Variants in C1GALT1 observed in about 807,000 individuals in gnomAD.
The protein encoded by C1GALT1 is core 1 synthase, glycoprotein-N-acetylgalactosamine 3-beta-galactosyltransferase 1.
In C1GALT1, 11 loss-of-function variants were observed where a neutral mutation model predicts 31.0. The ratio of observed to expected loss-of-function variants is 0.36; its 90% CI spans 0.22 to 0.59. The LOEUF (loss-of-function observed/expected upper bound fraction) is 0.59. C1GALT1 is among the 20% of genes least tolerant of loss of function. C1GALT1 has a pLI of 0.79. For missense variants in C1GALT1, 424 were observed against 425.2 expected (o/e 1.00, Z 0.03); for synonymous variants, 175 against 143.6 (o/e 1.22, Z -1.56).
At chr7:7,182,222 T>C (rs1780611141), upstream of C1GALT1, among the ~76,000 whole-genome samples, 1 of 152,232 alleles carries the variant, frequency 6.6e-6, no homozygotes. Flanking sequence ...GGTTAGAGCC[T>C]GTACCTCAGA....
chr7:7,224,106 A>C (rs1279503430), intron 1 of C1GALT1, among the ~76,000 whole-genome samples: 1 of 152,182 alleles, frequency 6.6e-6, no homozygotes, highest in Non-Finnish European at 1.5e-5. Flanking sequence ...AATAAACTCT[A>C]CTTGGTCATA....
At chr7:7,194,039 T>G (rs987763036) in intron 1 of C1GALT1, among the ~76,000 whole-genome samples, 1 of 152,174 alleles carries the variant, frequency 6.6e-6, no homozygotes, top group African/African-American at 2.4e-5. Context: ...CCTGAAACTT[T>G]ACTGAATTCA....
intron 2 of C1GALT1, among the ~76,000 whole-genome samples, chr7:7,164,456 C>T (rs1424754531): frequency 6.6e-6 from 1 of 152,166 alleles, no homozygotes; most frequent in African/African-American, 2.4e-5. Context: ...TACAGCTCTC[C>T]TCTTGCTTTA....
At chr7:7,204,120 T>C (rs527339803) in intron 1 of C1GALT1, among the ~76,000 whole-genome samples, 1 of 141,320 alleles carries the variant, frequency 7.1e-6, no homozygotes, top group African/African-American at 2.6e-5. Flanking sequence ...TGTTTTTTTG[T>C]TTTTTTTTTT....
intron 1 of C1GALT1, among the ~76,000 whole-genome samples, chr7:7,206,300 T>G (rs1328360640): frequency 6.6e-6 from 1 of 152,182 alleles, no homozygotes; most frequent in Non-Finnish European, 1.5e-5. Flanking sequence ...AATTTTTATT[T>G]TTTCATATAG....
intron 1 of C1GALT1, 150 bp from the exon 2 acceptor site, chr7:7,234,153 T>C (rs1783224027): frequency 6.4e-6 from 4 of 629,214 alleles, no homozygotes; most frequent in East Asian, 2.8e-5. Context: ...TGTGCTGTTT[T>C]AGCAGCAAAT....
Position 7,244,251 on chromosome 7 carries a change from G to A in C1GALT1, c.*524G>A, listed in dbSNP as rs1487148659. 6.6e-6 allele frequency: 1 copy of A among 152,134 alleles called. No homozygotes were observed. The highest frequency in any genetic ancestry group is 1.5e-5 in the Non-Finnish European group (1 of 67,974). 9.4% of individuals were successfully genotyped at this position (152,134 alleles called of 1,614,324 possible). ...ACAGTTTTTGTCTAATGAAAATGTT[G>A]CTGTGATTATTTATAATTGGTAGTA... On this transcript the variant is annotated 3_prime_UTR_variant, in exon 4 of 4. Transcript: ENST00000436587.
At chr7:7,171,125 A>T (rs1219710818) in intron 2 of C1GALT1, among the ~76,000 whole-genome samples, 1 of 152,052 alleles carries the variant, frequency 6.6e-6, no homozygotes, top group Non-Finnish European at 1.5e-5. Flanking sequence ...TGTTAGGTCT[A>T]GTTGGCTTAT....
chr7:7,164,162 G>A (rs925013927), intron 2 of C1GALT1, among the ~76,000 whole-genome samples: 16 of 152,148 alleles, frequency 1.1e-4, no homozygotes, highest in Admixed American at 2.0e-4. Flanking sequence ...AAATAACACC[G>A]TATATCTACA....
Position 7,238,535 on chromosome 7 carries a change from A to G in C1GALT1, c.501A>G (p.Lys167=), listed in dbSNP as rs1378260168. The change falls in exon 3 of 4, where the codon AAA becomes AAG. Residue 167 remains lysine (K), a synonymous_variant. Coordinates refer to ENST00000436587, the MANE Select transcript of C1GALT1 (RefSeq NM_020156.5). This position sits in a 1 kb window ranked among gnomAD's most constrained non-coding sequence, Gnocchi z 5.2. Reference sequence around the variant, plus strand: ...TAGAAGATGCTGATTGGTTTTTGAAAGCAGATGATGACACGTATGTCATAC... The same window carrying G: ...TAGAAGATGCTGATTGGTTTTTGAAGGCAGATGATGACACGTATGTCATAC... ...HYLEDADWFL[K]ADDDTYVILD... is the part of the protein sequence containing the mutation. The G allele has an allele frequency of 6.2e-7, 1 of 1,614,052 alleles. No homozygotes were observed. Among genetic ancestry groups the G allele is most frequent in the Non-Finnish European group, 8.5e-7 (1 of 1,180,002 alleles).
At chr7:7,175,115 T>C (rs1780491649) in intron 2 of C1GALT1, among the ~76,000 whole-genome samples, 2 of 152,192 alleles carry the variant, frequency 1.3e-5, no homozygotes, top group Admixed American at 1.3e-4. Context: ...TTCACTTTCC[T>C]AGGGGGGTTT....
rs1783244610 is a variant in C1GALT1, at chr7:7,234,494, C to G, written c.175C>G (p.Leu59Val). ...RHSDDNGQNH[L>V]EGQMNFNADS... Reference sequence around the variant, plus strand: ...TTCAGATGATAATGGACAGAATCATCTAGAAGGACAAATGAACTTCAATGC... The same window carrying G: ...TTCAGATGATAATGGACAGAATCATGTAGAAGGACAAATGAACTTCAATGC... Residue 59 changes from leucine (L) to valine (V), a missense_variant, in exon 2 of 4, where the codon CTA becomes GTA. Physicochemically the swap from Leu to Val is conservative, Grantham distance 32. Around this residue, in one of 3 missense-constraint regions of C1GALT1, gnomAD observed 189 missense variants for 158.2 expected, o/e 1.19. Transcript: ENST00000436587. 5 of 1,613,570 alleles carry G rather than the reference C, an allele frequency of 3.1e-6. No individual in the cohort carries two copies. The highest frequency in any genetic ancestry group is 1.7e-5 in the Admixed American group (1 of 59,988).
chr7:7,245,081 A>T lies in C1GALT1; in HGVS notation c.*1354A>T, dbSNP rs1474741683. The T allele has an allele frequency of 6.6e-6, 1 of 152,260 alleles. No homozygotes were observed. Among genetic ancestry groups the T allele is most frequent in the African/African-American group, 2.4e-5 (1 of 41,478 alleles). The allele number at this position is 152,260 out of a possible 1,614,324, so 9.4% of individuals were successfully genotyped here. A position where few individuals can be genotyped will look rare whatever the true frequency, so the allele number is the denominator to read the frequency against. On this transcript the variant is annotated 3_prime_UTR_variant, in exon 4 of 4. Transcript: ENST00000436587. ...ATTTTTTATTTTTATTATCTTTAGC[A>T]GTACTGAGTGTCATAGCAGAATATT... is the stretch of plus-strand genomic sequence containing the variant.
At chr7:7,158,540 T>C (rs769843354) in intron 2 of C1GALT1, among the ~76,000 whole-genome samples, 3 of 151,466 alleles carry the variant, frequency 2.0e-5, no homozygotes, top group Admixed American at 6.6e-5. Context: ...ACTTAGTATG[T>C]TTTTTCATTA....
rs1015460580 is a variant in C1GALT1 at position 7,162,077 on chromosome 7, T to C, written c.-18+4651T>C. ...TATCTTTCTTCATTTCTTTTTTTTT[T>C]TCTTTTTTTTTATTAGCTATTTTTC... On this transcript the variant is annotated intron_variant, in intron 2 of 3. Coordinates refer to the C1GALT1 transcript ENST00000429911. Among the ~76,000 whole-genome samples the C allele has an allele frequency of 9.9e-5, 15 of 150,892 alleles. No homozygotes were observed. In the Middle Eastern group the frequency reaches 0.017, roughly 172 times the overall value.
chr7:7,213,401 A>G (rs1175096555), intron 1 of C1GALT1, among the ~76,000 whole-genome samples: 3 of 152,208 alleles, frequency 2.0e-5, no homozygotes, highest in South Asian at 4.1e-4. Context: ...TAGAAATCCC[A>G]TACAATTTTG....
chr7:7,199,326 G>A (rs1017657720), intron 1 of C1GALT1, among the ~76,000 whole-genome samples: 1 of 152,204 alleles, frequency 6.6e-6, no homozygotes, highest in South Asian at 2.1e-4. Flanking sequence ...AGGTTGTTCA[G>A]TTTCCATGTA....
intron 1 of C1GALT1, among the ~76,000 whole-genome samples, chr7:7,221,925 A>G (rs1290105482): frequency 1.3e-5 from 2 of 152,126 alleles, no homozygotes; most frequent in East Asian, 1.9e-4. Context: ...CCCTTAACCA[A>G]TGACTAATGA....
chr7:7,231,866 A>G (rs1783090497), intron 1 of C1GALT1, among the ~76,000 whole-genome samples: 1 of 151,874 alleles, frequency 6.6e-6, no homozygotes, highest in African/African-American at 2.4e-5. Flanking sequence ...TTTTACAGTT[A>G]GGCTAGGGCG....
Sources: allele counts gnomAD v4.1 joint callset (sites outside exome capture counted in the v4.1 genomes callset), GRCh38; gene constraint gnomAD v4.1.1; regional missense constraint gnomAD v4.1.1; non-coding constraint Gnocchi (gnomAD v3.1); transcripts MANE v1.5; gene names NCBI Gene and HGNC (gene_info 2026-07-23, HGNC 2026-07-21).